Variants in MDFIC observed in about 807,000 individuals in gnomAD.
The protein encoded by MDFIC is MyoD family inhibitor domain containing.
In MDFIC, 17 loss-of-function variants were observed where a neutral mutation model predicts 23.2. The ratio of observed to expected loss-of-function variants is 0.73; its 90% confidence interval spans 0.50 to 1.10. The LOEUF (loss-of-function observed/expected upper bound fraction) is 1.10, where lower values mean the gene tolerates loss of function less well. MDFIC is among the 50% of genes least tolerant of loss of function. The pLI, the probability that MDFIC is intolerant of heterozygous loss-of-function variation, is 0.00. For synonymous variants in MDFIC, 120 were observed against 115.2 expected, an observed-to-expected ratio of 1.04 and a Z score of -0.27; for missense variants, 356 against 316.6, an observed-to-expected ratio of 1.12 and a Z score of -0.95.
intron 4 of MDFIC, among the ~76,000 whole-genome samples, chr7:114,990,108 A>G (rs1793579439): frequency 6.6e-6 from 1 of 152,230 alleles, no homozygotes; most frequent in African/African-American, 2.4e-5. Context: ...ATTTTAAAAT[A>G]TATTTAAAGT....
rs539461897 is a variant in MDFIC, at chr7:115,011,356, T to TC, written c.494-4331dup. ...GTACAAAGTAATTTTCTAATTTTTT[T>TC]CAAAAATGAAAAATTGATGAAAACG... On this transcript the variant is annotated intron_variant, in intron 4 of 4. Transcript: ENST00000393486. Among the ~76,000 whole-genome samples the TC allele has an allele frequency of 9.5e-3, 1,443 of 152,262 alleles. 6 individuals carry two copies. The highest frequency in any genetic ancestry group is 0.016 in the Non-Finnish European group (1,064 of 68,008).
At chr7:114,965,469 G>C (rs1038570365) in intron 3 of MDFIC, among the ~76,000 whole-genome samples, 1 of 152,200 alleles carries the variant, frequency 6.6e-6, no homozygotes, top group Non-Finnish European at 1.5e-5. Flanking sequence ...GACTCCCAGA[G>C]TTCAGGTTAG....
intron 3 of MDFIC, among the ~76,000 whole-genome samples, chr7:114,968,161 T>C (rs1793140610): frequency 1.3e-5 from 2 of 152,214 alleles, no homozygotes; most frequent in Non-Finnish European, 1.5e-5. Context: ...TTTGTCTCTC[T>C]GTGCCATTTG....
At chr7:115,014,482 A>T (rs1408506211) in intron 4 of MDFIC, 6 of 1,289,638 alleles carry the variant, frequency 4.7e-6, no homozygotes, top group African/African-American at 1.5e-5. Flanking sequence ...ACTCCATCGA[A>T]GGCACTTAAT....
chr7:115,014,847 A>T (rs919858258), intron 4 of MDFIC, among the ~76,000 whole-genome samples: 5 of 152,198 alleles, frequency 3.3e-5, no homozygotes, highest in African/African-American at 1.2e-4. Context: ...ATTAAATTAT[A>T]ATTTGTTTGA....
intron 4 of MDFIC, among the ~76,000 whole-genome samples, chr7:114,988,312 A>G (rs889731581): frequency 1.3e-5 from 2 of 152,190 alleles, no homozygotes; most frequent in African/African-American, 4.8e-5. Context: ...CTTCAGAATA[A>G]TGGAAAGAAT....
chr7:115,002,339 G>A (rs1791481284), intron 4 of MDFIC, among the ~76,000 whole-genome samples: 1 of 152,102 alleles, frequency 6.6e-6, no homozygotes, highest in South Asian at 2.1e-4. Flanking sequence ...AAGAAACCTT[G>A]ATGACCATAA....
intron 4 of MDFIC, among the ~76,000 whole-genome samples, chr7:114,985,755 T>G (rs924052891): frequency 1.9e-4 from 29 of 151,784 alleles, no homozygotes; most frequent in African/African-American, 6.5e-4. Context: ...AAAGCTAAAT[T>G]ATTAGAGAAG....
At chr7:115,014,028 A>G (rs1791740275) in intron 4 of MDFIC, 17 of 985,308 alleles carry the variant, frequency 1.7e-5, no homozygotes, top group Non-Finnish European at 2.0e-5. Context: ...CTAAAAAGAA[A>G]GGAAAGAACA....
intron 2 of MDFIC, among the ~76,000 whole-genome samples, chr7:114,939,563 T>C (rs1261779813): frequency 1.3e-5 from 2 of 152,182 alleles, no homozygotes; most frequent in Admixed American, 6.5e-5. Flanking sequence ...AATAACAATT[T>C]AGAGCAGGAA....
chr7:115,011,484 C>T (rs1018730582), intron 4 of MDFIC, among the ~76,000 whole-genome samples: 3 of 152,158 alleles, frequency 2.0e-5, no homozygotes, highest in Non-Finnish European at 2.9e-5. Context: ...CAACCACTTA[C>T]ACCAATTAGT....
intron 3 of MDFIC, among the ~76,000 whole-genome samples, chr7:114,963,058 G>T (rs767276028): frequency 6.6e-6 from 1 of 151,972 alleles, no homozygotes; most frequent in Non-Finnish European, 1.5e-5. Context: ...ACAGTTGATG[G>T]CCCCTTTATG....
At chr7:114,931,281 T>C (rs1369350195) in intron 2 of MDFIC, among the ~76,000 whole-genome samples, 1 of 152,240 alleles carries the variant, frequency 6.6e-6, no homozygotes, top group Non-Finnish European at 1.5e-5. Context: ...TTAACATGAA[T>C]TTAATTTCGT....
At position 114,989,665 on chromosome 7, in the gene MDFIC, C is replaced by A. The variant is rs149884451; in HGVS notation, c.493+9884C>A. 2.7e-3 allele frequency among the ~76,000 whole-genome samples: 404 copies of A among 152,252 alleles called. 1 individual carries two copies. Among genetic ancestry groups the A allele is most frequent in the African/African-American group, 9.5e-3 (393 of 41,546 alleles). On this transcript the variant is annotated intron_variant, in intron 4 of 4. Coordinates refer to ENST00000393486, the MANE Select transcript of MDFIC (RefSeq NM_001166345.3). ...AATTGAGCAACCAGAGAAGTATTTA[C>A]CGAATTGTTAACCTCGATGGCTCTG...
chr7:114,924,364 C>CAATTGTT (rs1792150130), intron 2 of MDFIC, among the ~76,000 whole-genome samples: 1 of 152,190 alleles, frequency 6.6e-6, no homozygotes, highest in Admixed American at 6.5e-5. Context: ...CTGCTAATCA[C>CAATTGTT]AATTGTTAAA....
chr7:115,007,803 C>T (rs1428559032), intron 4 of MDFIC, among the ~76,000 whole-genome samples: 2 of 148,230 alleles, frequency 1.3e-5, no homozygotes, highest in Non-Finnish European at 3.0e-5. Flanking sequence ...GCACCCCCAC[C>T]CCCCGACCCC....
chr7:115,003,557 C>A lies in MDFIC; in HGVS notation c.494-12131C>A, dbSNP rs565523935. Among the ~76,000 whole-genome samples, 13 of 152,288 alleles carry A rather than the reference C, an allele frequency of 8.5e-5. No homozygotes were observed. The South Asian group carries it at 2.7e-3, about 32-fold the overall frequency. Reference sequence around the variant, plus strand: ...TTTCTTGATATTTCCTCAAAGTCATCCTGTCTGACCCCACTGGCACTATAT... The same window carrying A: ...TTTCTTGATATTTCCTCAAAGTCATACTGTCTGACCCCACTGGCACTATAT... On this transcript the variant is annotated intron_variant, in intron 4 of 4. Transcript: ENST00000393486.
At chr7:114,930,709 T>C (rs1258750293) in intron 2 of MDFIC, among the ~76,000 whole-genome samples, 1 of 152,168 alleles carries the variant, frequency 6.6e-6, no homozygotes, top group African/African-American at 2.4e-5. Context: ...GAAACATCAA[T>C]TGACACCATC....
intron 4 of MDFIC, among the ~76,000 whole-genome samples, chr7:114,981,483 C>CT (rs1793416311): frequency 6.6e-6 from 1 of 151,986 alleles, no homozygotes; most frequent in African/African-American, 2.4e-5. Context: ...TATTCTCCCC[C>CT]TTCCCTCCCT....
Sources: gnomAD v4.1 joint callset for allele counts (sites outside exome capture counted in the v4.1 genomes callset) on GRCh38, gnomAD v4.1.1 for gene constraint, MANE v1.5 for transcripts, NCBI Gene and HGNC (gene_info 2026-07-23, HGNC 2026-07-21) for gene names.